SLC1A1: variants seen among roughly 807,000 people sequenced by gnomAD.
SLC1A1 encodes solute carrier family 1 member 1, also known as excitatory amino acid transporter 3.
SLC1A1 carries 43 observed loss-of-function variants against 53.3 expected under a neutral mutation model. The observed-to-expected ratio is 0.81, with a 90% confidence interval of 0.63 to 1.04. SLC1A1 has a LOEUF of 1.04. Among genes scored for constraint, SLC1A1 ranks in the 50% least tolerant of loss-of-function variants. SLC1A1 has a pLI of 0.00. For synonymous variants in SLC1A1, 307 were observed against 243.2 expected, an observed-to-expected ratio of 1.26 and a Z score of -2.44; for missense variants, 748 against 664.9, an observed-to-expected ratio of 1.12 and a Z score of -1.37.
At chr9:4,494,934 CA>C (rs1293931435) in intron 1 of SLC1A1, among the ~76,000 whole-genome samples, 1 of 152,166 alleles carries the variant, frequency 6.6e-6, no homozygotes, top group Non-Finnish European at 1.5e-5. Context: ...TCAGAAAAAG[CA>C]ATAGGTATTG....
At chr9:4,545,277 C>T (rs1817392845) in intron 2 of SLC1A1, among the ~76,000 whole-genome samples, 1 of 149,160 alleles carries the variant, frequency 6.7e-6, no homozygotes, top group Non-Finnish European at 1.5e-5. Context: ...TTACTGTTCT[C>T]AACATGGCAT....
intron 1 of SLC1A1, among the ~76,000 whole-genome samples, chr9:4,516,944 C>G (rs575396578): frequency 1.3e-5 from 2 of 152,306 alleles, no homozygotes; most frequent in Non-Finnish European, 2.9e-5. Flanking sequence ...ACTGAACACA[C>G]TCTTATCACC....
At chr9:4,536,598 C>A (rs1816683053) in intron 1 of SLC1A1, among the ~76,000 whole-genome samples, 1 of 152,214 alleles carries the variant, frequency 6.6e-6, no homozygotes, top group South Asian at 2.1e-4. Context: ...GTTGGTGGGA[C>A]TGTAAACCAG....
At chr9:4,532,783 G>A (rs921939713) in intron 1 of SLC1A1, among the ~76,000 whole-genome samples, 2 of 152,116 alleles carry the variant, frequency 1.3e-5, no homozygotes, top group African/African-American at 4.8e-5. Context: ...AAGTTGCAAT[G>A]AAGGAAAAAA....
At chr9:4,528,895 G>A (rs1403984054) in intron 1 of SLC1A1, among the ~76,000 whole-genome samples, 1 of 151,940 alleles carries the variant, frequency 6.6e-6, no homozygotes, top group Admixed American at 6.6e-5. Flanking sequence ...CTTCCCCTCA[G>A]TGTCCCATCC....
chr9:4,548,368 G>T (rs1328165686), intron 2 of SLC1A1, among the ~76,000 whole-genome samples: 2 of 152,174 alleles, frequency 1.3e-5, no homozygotes, highest in Non-Finnish European at 2.9e-5. Context: ...GCCGAAGGAG[G>T]ATGCAGGTGG....
intron 6 of SLC1A1, among the ~76,000 whole-genome samples, chr9:4,568,544 G>A (rs1409415827): frequency 2.6e-5 from 4 of 151,808 alleles, no homozygotes; most frequent in Non-Finnish European, 4.4e-5. Context: ...AATATAGTGA[G>A]ACCCCATATG....
At chr9:4,493,602 G>A (rs866631257) in intron 1 of SLC1A1, among the ~76,000 whole-genome samples, 21 of 152,146 alleles carry the variant, frequency 1.4e-4, no homozygotes, top group Admixed American at 3.3e-4. Flanking sequence ...GATTATAGCC[G>A]TTCAAATGTT....
intron 1 of SLC1A1, among the ~76,000 whole-genome samples, chr9:4,543,248 T>C (rs1245898580): frequency 6.6e-6 from 1 of 152,234 alleles, no homozygotes; most frequent in African/African-American, 2.4e-5. Flanking sequence ...AGTTTTTAGG[T>C]TCACATACCA....
intron 1 of SLC1A1, among the ~76,000 whole-genome samples, chr9:4,538,726 G>A (rs185632697): frequency 7.2e-5 from 11 of 152,268 alleles, no homozygotes; most frequent in East Asian, 5.8e-4. Flanking sequence ...GCTTTGAGCC[G>A]GAATTCCCGT....
chr9:4,580,253 A>AAGAG (rs1305861096), intron 10 of SLC1A1, among the ~76,000 whole-genome samples: 1 of 151,278 alleles, frequency 6.6e-6, no homozygotes, highest in Non-Finnish European at 1.5e-5. Context: ...GAAAGAAAGA[A>AAGAG]AGAGAGAAAA....
chr9:4,513,499 A>G (rs1821062828), intron 1 of SLC1A1, among the ~76,000 whole-genome samples: 1 of 152,224 alleles, frequency 6.6e-6, no homozygotes, highest in African/African-American at 2.4e-5. Flanking sequence ...TAAAACCACA[A>G]TAAGATGCCA....
intron 2 of SLC1A1, among the ~76,000 whole-genome samples, chr9:4,560,408 T>C (rs1214295137): frequency 2.0e-5 from 3 of 152,094 alleles, no homozygotes; most frequent in Non-Finnish European, 4.4e-5. Context: ...TGCTTACAAC[T>C]ATAATATTAA....
At chr9:4,508,406 T>C (rs902778162) in intron 1 of SLC1A1, among the ~76,000 whole-genome samples, 2 of 152,048 alleles carry the variant, frequency 1.3e-5, no homozygotes, top group African/African-American at 4.8e-5. Flanking sequence ...TCTAAGCCAG[T>C]TGGATATTTG....
chr9:4,508,654 A>G (rs1820889566), intron 1 of SLC1A1, among the ~76,000 whole-genome samples: 1 of 152,248 alleles, frequency 6.6e-6, no homozygotes, highest in African/African-American at 2.4e-5. Context: ...GCCCTGAGAC[A>G]ATAAATTCAT....
At chr9:4,522,640 G>T in intron 1 of SLC1A1, among the ~76,000 whole-genome samples, 1 of 152,220 alleles carries the variant, frequency 6.6e-6, no homozygotes, top group South Asian at 2.1e-4. Flanking sequence ...TGCGTGGCTG[G>T]GGAGGCCTCA....
chr9:4,490,596 C>A lies in SLC1A1; in HGVS notation c.-84C>A. 1.8e-6 allele frequency: 2 copies of A among 1,135,056 alleles called. No individual in the cohort carries two copies. Among genetic ancestry groups the A allele is most frequent in the Non-Finnish European group, 2.6e-6 (2 of 768,194 alleles). 70.3% of individuals were successfully genotyped at this position (1,135,056 alleles called of 1,614,324 possible). ...TCTCCCCTGTGCACCCGCATCTCGC[C>A]GCGCCGCCGAGCAGCCAGCAGTCCC... On this transcript the variant is annotated 5_prime_UTR_variant, in exon 1 of 12. Coordinates refer to ENST00000262352, the MANE Select transcript of SLC1A1 (RefSeq NM_004170.6).
chr9:4,535,498 T>A (rs377576815), intron 1 of SLC1A1, among the ~76,000 whole-genome samples: 1 of 151,982 alleles, frequency 6.6e-6, no homozygotes, highest in Non-Finnish European at 1.5e-5. Flanking sequence ...ATCCAACTTA[T>A]AAGGGATGTG....
In SLC1A1 at chr9:4,586,718, T is replaced by C. The variant is rs1821596825; in HGVS notation, c.*1160T>C. 1 of 152,136 alleles carries C rather than the reference T, an allele frequency of 6.6e-6. No homozygotes were observed. Among genetic ancestry groups the C allele is most frequent in the South Asian group, 2.1e-4 (1 of 4,824 alleles). 9.4% of individuals were successfully genotyped at this position (152,136 alleles called of 1,614,324 possible). A position where few individuals can be genotyped will look rare whatever the true frequency, so the allele number is the denominator to read the frequency against. On this transcript the variant is annotated 3_prime_UTR_variant, in exon 12 of 12. Coordinates refer to ENST00000262352, the MANE Select transcript of SLC1A1 (RefSeq NM_004170.6). ...AACTAAGTTGTATTTTAATAAAGAT[T>C]CCATGGGTTGAACAAGCCACGTTGC...
Sources: allele counts gnomAD v4.1 joint callset (sites outside exome capture counted in the v4.1 genomes callset), GRCh38; gene constraint gnomAD v4.1.1; transcripts MANE v1.5; gene names NCBI Gene and HGNC (gene_info 2026-07-23, HGNC 2026-07-21).